The following CHUK variants were observed in gnomAD, a reference collection of about 807,000 sequenced individuals.
The protein encoded by CHUK is inhibitor of nuclear factor kappa-B kinase subunit alpha.
A neutral mutation model predicts 104.8 loss-of-function variants in CHUK; 35 were observed. That is an observed-to-expected ratio of 0.33 (90% confidence interval 0.26 to 0.44). The LOEUF (loss-of-function observed/expected upper bound fraction) is 0.44. Ranked by LOEUF, CHUK falls within the 20% of genes least tolerant of loss-of-function variation. The pLI, the probability that CHUK is intolerant of heterozygous loss-of-function variation, is 1.00. For missense variants in CHUK, 663 were observed against 902.7 expected (o/e 0.73, Z 3.40); for synonymous variants, 276 against 291.9 (o/e 0.95, Z 0.56).
In CHUK at chr10:100,209,663, G is replaced by T; in HGVS notation, c.1060C>A (p.Leu354Ile). The part of the protein sequence containing the change: ...ETGINTGSQE[L>I]LSETGISLDP... ...AGAGAAATTCCTGTCTCTGAAAGAA[G>T]TTCTTGAGAACCAGTATTTATTCCA... Residue 354 changes from leucine (L) to isoleucine (I), a missense_variant, in exon 10 of 21, where the codon CTT becomes ATT. Physicochemically the swap from Leu to Ile is conservative, Grantham distance 5. Around this residue, in one of 5 missense-constraint regions of CHUK, gnomAD observed 93 missense variants for 95.9 expected, o/e 0.97. Coordinates refer to ENST00000370397, the MANE Select transcript of CHUK (RefSeq NM_001278.5). The T allele has an allele frequency of 6.2e-7, 1 of 1,609,696 alleles. No individual in the cohort carries two copies.
chr10:100,210,872 C>T (rs1228279065), intron 9 of CHUK, among the ~76,000 whole-genome samples: 2 of 152,204 alleles, frequency 1.3e-5, no homozygotes, highest in Non-Finnish European at 2.9e-5. Flanking sequence ...GCTCTGTCCC[C>T]ACCTGTCAGC....
chr10:100,194,308 G>A, intron 17 of CHUK, 117 bp downstream of exon 17: 1 of 1,044,256 alleles, frequency 9.6e-7, no homozygotes, highest in Middle Eastern at 2.0e-4. Context: ...GCTACCCAAG[G>A]TACCTTCAGA....
At chr10:100,223,937 CTTTTT>C (rs1451198580) in intron 2 of CHUK, among the ~76,000 whole-genome samples, 2 of 152,218 alleles carry the variant, frequency 1.3e-5, no homozygotes, top group African/African-American at 4.8e-5. Context: ...GTCTACTTCT[CTTTTT>C]AAGAGCTTAA....
chr10:100,214,435 G>C (rs1845806148), intron 9 of CHUK, among the ~76,000 whole-genome samples: 1 of 152,162 alleles, frequency 6.6e-6, no homozygotes, highest in Non-Finnish European at 1.5e-5. Flanking sequence ...TCAGTGTAAA[G>C]TATCATACAC....
intron 11 of CHUK, among the ~76,000 whole-genome samples, chr10:100,205,963 T>C (rs1845580449): frequency 6.6e-6 from 1 of 151,900 alleles, no homozygotes; most frequent in East Asian, 1.9e-4. Flanking sequence ...AAAAGACAAA[T>C]TTCAGCAGAG....
chr10:100,191,140 G>C (rs1304788152), intron 19 of CHUK, among the ~76,000 whole-genome samples, 172 bp from the exon 20 acceptor site: 1 of 152,190 alleles, frequency 6.6e-6, no homozygotes, highest in Admixed American at 6.5e-5. Context: ...CAGAGGCAGA[G>C]TCCTGTTAAG....
chr10:100,210,091 A>ATTTATTTTTTATTTTTAT lies in CHUK; in HGVS notation c.934-303_934-302insATAAAAATAAAAAATAAA, dbSNP rs58570772. Among the ~76,000 whole-genome samples, 317 of 121,830 alleles carry ATTTATTTTTTATTTTTAT rather than the reference A, an allele frequency of 2.6e-3. 2 individuals are homozygous for ATTTATTTTTTATTTTTAT. Among genetic ancestry groups the ATTTATTTTTTATTTTTAT allele is most frequent in the African/African-American group, 9.3e-3 (310 of 33,276 alleles). The allele number at this position is 121,830 out of a possible 152,430, so 79.9% of individuals were successfully genotyped here. A position where few individuals can be genotyped will look rare whatever the true frequency, so the allele number is the denominator to read the frequency against. ...TATTTATTTATTTATTTATTTATTT[A>ATTTATTTTTTATTTTTAT]TTTTTTTTTTTTTTGAGACGGAGTC... On this transcript the variant is annotated intron_variant, in intron 9 of 20. Coordinates refer to ENST00000370397, the MANE Select transcript of CHUK (RefSeq NM_001278.5).
intron 3 of CHUK, among the ~76,000 whole-genome samples, chr10:100,222,447 C>T (rs1185107169): frequency 6.6e-6 from 1 of 152,022 alleles, no homozygotes; most frequent in African/African-American, 2.4e-5. Context: ...CATATGGGCA[C>T]ATTTAAAATT....
At position 100,217,869 on chromosome 10, in the gene CHUK, CCT is replaced by C. The variant is rs1424517418; in HGVS notation, c.933+124_933+125del. 5 of 1,021,486 alleles carry C rather than the reference CCT, an allele frequency of 4.9e-6. No individual in the cohort carries two copies. In the African/African-American group the frequency reaches 6.4e-5, roughly 13 times the overall value. 63.3% of individuals were successfully genotyped at this position (1,021,486 alleles called of 1,614,324 possible). A position where few individuals can be genotyped will look rare whatever the true frequency, so the allele number is the denominator to read the frequency against. ...TCCAGCCTAGGTGACAGAGTGAGACCCTGTCTCAAAATAAATAAATAAATAAG... is the reference window on the plus strand; with the variant it reads ...TCCAGCCTAGGTGACAGAGTGAGACCGTCTCAAAATAAATAAATAAATAAG... On this transcript the variant is annotated intron_variant, in intron 9 of 20. Coordinates refer to ENST00000370397, the MANE Select transcript of CHUK (RefSeq NM_001278.5).
Position 100,193,303 on chromosome 10 carries a change from T to C in CHUK, c.2103A>G (p.Gln701=), listed in dbSNP as rs768427672. The C allele has an allele frequency of 1.2e-6, 2 of 1,614,112 alleles. No homozygotes were observed. Among genetic ancestry groups the C allele is most frequent in the Non-Finnish European group, 1.7e-6 (2 of 1,179,968 alleles). The part of the protein sequence containing the change: ...DHSLSCVVTP[Q]DGETSAQMIE... ...TTGTTACAAAGTAAACCCACCCATC[T>C]TGAGGAGTTACCACACATGACAGAG... Residue 701 remains glutamine, a synonymous_variant, in exon 19 of 21, where the codon CAA becomes CAG. Transcript: ENST00000370397.
At chr10:100,215,278 ATAAAT>A (rs1190077855) in intron 9 of CHUK, among the ~76,000 whole-genome samples, 3 of 151,822 alleles carry the variant, frequency 2.0e-5, no homozygotes, top group African/African-American at 7.3e-5. Flanking sequence ...TCAGTTTTTA[ATAAAT>A]TAAGTTGTAA....
chr10:100,194,349 G>A lies in CHUK; in HGVS notation c.1826+76C>T, dbSNP rs1845275352. 5.8e-6 allele frequency: 7 copies of A among 1,206,906 alleles called. No homozygotes were observed. In the South Asian group the frequency reaches 8.7e-5, roughly 15 times the overall value. 74.8% of individuals were successfully genotyped at this position (1,206,906 alleles called of 1,614,324 possible). Reference sequence around the variant, plus strand: ...TCCTGGGTAAGTATACTTTACCAAAGAGGGCTTTTGTACTTTGAGAGGAAC... The same window carrying A: ...TCCTGGGTAAGTATACTTTACCAAAAAGGGCTTTTGTACTTTGAGAGGAAC... On this transcript the variant is annotated intron_variant, in intron 17 of 20. Coordinates refer to ENST00000370397, the MANE Select transcript of CHUK (RefSeq NM_001278.5).
rs772072272 is a variant in CHUK at position 100,194,112 on chromosome 10, G to T, written c.1846C>A (p.Gln616Lys). 1 of 1,613,462 alleles carries T rather than the reference G, an allele frequency of 6.2e-7. No homozygotes were observed. Among genetic ancestry groups the T allele is most frequent in the Non-Finnish European group, 8.5e-7 (1 of 1,179,902 alleles). The change falls in exon 18 of 21, where the codon CAG becomes AAG. Residue 616 changes from glutamine (Q) to lysine (K), a missense_variant. Gln to Lys is a moderately conservative substitution (Grantham distance 53). Around this residue, in one of 5 missense-constraint regions of CHUK, gnomAD observed 311 missense variants for 393.4 expected, o/e 0.79. Transcript: ENST00000370397. ...GHLSKLLGCK[Q>K]KIIDLLPKVE... ...TTAGGGAGTAGATCAATAATCTTCTGCTTACAGCCCAACAACTTGCTGGAG... is the reference window on the plus strand; with the variant it reads ...TTAGGGAGTAGATCAATAATCTTCTTCTTACAGCCCAACAACTTGCTGGAG...
intron 16 of CHUK, chr10:100,194,787 AAT>A: frequency 3.6e-6 from 1 of 280,872 alleles, no homozygotes; most frequent in Non-Finnish European, 6.8e-6. Flanking sequence ...GCTTGAGAAC[AAT>A]AGTCTTGGCT....
chr10:100,192,594 A>C, intron 19 of CHUK: 1 of 985,556 alleles, frequency 1.0e-6, no homozygotes, highest in Non-Finnish European at 1.2e-6. Context: ...CAGAGCTTCC[A>C]GGAAATGCTG....
intron 10 of CHUK, among the ~76,000 whole-genome samples, chr10:100,209,144 C>T (rs1395039924): frequency 6.6e-6 from 1 of 152,198 alleles, no homozygotes; most frequent in Non-Finnish European, 1.5e-5. Context: ...AAGTTAATCA[C>T]TTATGTCTTT....
chr10:100,193,397 C>G lies in CHUK; in HGVS notation c.2009G>C (p.Ser670Thr), dbSNP rs768411135. ...CTGAGGGGTTACTGCACCTTCTAGA[C>G]TGGATCCTACAAGGGACCGGGCAGA... ...QSSARSLVGSSLEGAVTPQTS... is the reference protein window; with the variant it reads ...QSSARSLVGSTLEGAVTPQTS... Residue 670 changes from serine to threonine, a missense_variant, in exon 19 of 21, where the codon AGT becomes ACT. By Grantham distance (58) the Ser-to-Thr change is moderately conservative. This residue lies in a region of CHUK where 311 missense variants were observed against 393.4 expected (regional missense o/e 0.79). Transcript: ENST00000370397. 6 of 1,614,006 alleles carry G rather than the reference C, an allele frequency of 3.7e-6. No individual in the cohort carries two copies. The Admixed American group carries it at 6.7e-5, about 18-fold the overall frequency.
intron 16 of CHUK, among the ~76,000 whole-genome samples, chr10:100,199,075 G>A (rs1195199879): frequency 6.6e-6 from 1 of 152,124 alleles, no homozygotes; most frequent in Non-Finnish European, 1.5e-5. Context: ...CTGAGGTAAC[G>A]GTCAGTAAAT....
chr10:100,205,222 A>G, intron 11 of CHUK, 23 bp from the exon 12 acceptor site: 2 of 1,612,952 alleles, frequency 1.2e-6, no homozygotes, highest in Non-Finnish European at 1.7e-6. Context: ...AGATGAGAAA[A>G]AGGGCAAGGG....
Sources: allele counts gnomAD v4.1 joint callset (sites outside exome capture counted in the v4.1 genomes callset), GRCh38; gene constraint gnomAD v4.1.1; regional missense constraint gnomAD v4.1.1; transcripts MANE v1.5; gene names NCBI Gene and HGNC (gene_info 2026-07-23, HGNC 2026-07-21).